Variants in TIAM1 observed in about 807,000 individuals in gnomAD.
The protein encoded by TIAM1 is rho guanine nucleotide exchange factor TIAM1.
Under a neutral mutation model 163.5 loss-of-function variants are expected in TIAM1, and 65 were observed. The observed-to-expected ratio is 0.40, with a 90% CI of 0.33 to 0.49. The LOEUF (loss-of-function observed/expected upper bound fraction) is 0.49, where lower values mean the gene tolerates loss of function less well. Ranked by LOEUF, TIAM1 falls within the 20% of genes least tolerant of loss-of-function variation. TIAM1 has a pLI of 0.77. For synonymous variants in TIAM1, 833 were observed against 810.1 expected, an observed-to-expected ratio of 1.03 and a Z score of -0.48; for missense variants, 1,789 against 2,044.7, an observed-to-expected ratio of 0.87 and a Z score of 2.41.
intron 12 of TIAM1, among the ~76,000 whole-genome samples, chr21:31,199,532 A>AT (rs59602143): frequency 0.057 from 7,971 of 139,418 alleles, 538 homozygotes; most frequent in African/African-American, 0.15. Context: ...AGCCTAGAAC[A>AT]TTTTTTTTTT....
At chr21:31,380,596 T>G (rs151238133) in intron 2 of TIAM1, among the ~76,000 whole-genome samples, 227 of 152,086 alleles carry the variant, frequency 1.5e-3, no homozygotes, top group Non-Finnish European at 1.6e-3. Flanking sequence ...AATAAAAAAA[T>G]TATGGAAGTG....
intron 24 of TIAM1, 126 bp from the exon 25 acceptor site, chr21:31,130,441 C>G: frequency 1.4e-6 from 1 of 695,828 alleles, no homozygotes. Context: ...GGATCTTCAC[C>G]CCCATGAGCT....
chr21:31,228,247 A>G (rs1468119627), intron 6 of TIAM1, among the ~76,000 whole-genome samples: 22 of 128,794 alleles, frequency 1.7e-4, no homozygotes, highest in African/African-American at 4.7e-4. Context: ...AAAAAAAAAA[A>G]AAAAAAAAAA....
intron 1 of TIAM1, among the ~76,000 whole-genome samples, chr21:31,496,733 C>T (rs545098892): frequency 6.8e-4 from 103 of 152,260 alleles, no homozygotes; most frequent in African/African-American, 2.4e-3. Flanking sequence ...CCACTCACCG[C>T]AACTTCCAGT....
chr21:31,511,767 G>A (rs2047217472), intron 1 of TIAM1, among the ~76,000 whole-genome samples: 1 of 152,166 alleles, frequency 6.6e-6, no homozygotes, highest in South Asian at 2.1e-4. Context: ...TGCAGAAAGG[G>A]AAAATGTAAT....
At chr21:31,240,661 C>G (rs562296970) in intron 6 of TIAM1, among the ~76,000 whole-genome samples, 37 of 152,316 alleles carry the variant, frequency 2.4e-4, no homozygotes, top group African/African-American at 8.2e-4. Flanking sequence ...AGACCTCATT[C>G]ATGCAAACAC....
chr21:31,142,087 T>C (rs1325728035), intron 20 of TIAM1, among the ~76,000 whole-genome samples: 1 of 152,114 alleles, frequency 6.6e-6, no homozygotes, highest in Non-Finnish European at 1.5e-5. Flanking sequence ...AGAAAGGCTC[T>C]TGGCCACATT....
intron 5 of TIAM1, 93 bp from the exon 6 acceptor site, chr21:31,245,753 G>C: frequency 2.5e-6 from 3 of 1,203,790 alleles, no homozygotes; most frequent in Non-Finnish European, 3.2e-6. Context: ...CCTGTCAGAG[G>C]CTGAAAATTA....
intron 2 of TIAM1, among the ~76,000 whole-genome samples, chr21:31,333,913 C>G (rs577980325): frequency 3.3e-5 from 5 of 152,168 alleles, no homozygotes; most frequent in Non-Finnish European, 5.9e-5. Context: ...CCCTCCCCCC[C>G]AAAAAATTAA....
In TIAM1 at chr21:31,481,147, C is replaced by A. The variant is rs779903985; in HGVS notation, c.-421-17112G>T. Among the ~76,000 whole-genome samples the A allele has an allele frequency of 3.0e-4, 46 of 152,180 alleles. 1 individual carries two copies. Among genetic ancestry groups the A allele is most frequent in the Non-Finnish European group, 6.0e-4 (41 of 68,028 alleles). On this transcript the variant is annotated intron_variant, in intron 1 of 28. Transcript: ENST00000286827. Reference sequence around the variant, plus strand: ...TTTCTGGTGAGGCCTTTCTTCTTGGCTTGTGGACAGCCACCTTCTTTCTGT... The same window carrying A: ...TTTCTGGTGAGGCCTTTCTTCTTGGATTGTGGACAGCCACCTTCTTTCTGT...
intron 2 of TIAM1, among the ~76,000 whole-genome samples, chr21:31,403,447 G>A (rs527255963): frequency 2.0e-5 from 3 of 151,878 alleles, no homozygotes; most frequent in African/African-American, 4.8e-5. Flanking sequence ...GCTCCCGGCC[G>A]ATGACATACT....
chr21:31,365,295 A>G lies in TIAM1; in HGVS notation c.-368-25873T>C, dbSNP rs140054576. ...ATACTTCTCCTTCTGTCTTTATTGCATAATTCTCCATGGATGTGCTGATGT... is the reference window on the plus strand; with the variant it reads ...ATACTTCTCCTTCTGTCTTTATTGCGTAATTCTCCATGGATGTGCTGATGT... On this transcript the variant is annotated intron_variant, in intron 2 of 28. Coordinates refer to the TIAM1 transcript ENST00000286827. Among the ~76,000 whole-genome samples, 671 of 152,074 alleles carry G rather than the reference A, an allele frequency of 4.4e-3. 5 individuals are homozygous for G. Among genetic ancestry groups the G allele is most frequent in the African/African-American group, 0.015 (636 of 41,468 alleles).
chr21:31,180,808 T>C (rs890417702), intron 15 of TIAM1, among the ~76,000 whole-genome samples: 7 of 152,372 alleles, frequency 4.6e-5, no homozygotes, highest in African/African-American at 1.4e-4. Flanking sequence ...CTGGAGCCAC[T>C]TTTCAAAAAT....
chr21:31,298,744 G>GTGTGTGTA (rs1219164865), intron 2 of TIAM1, among the ~76,000 whole-genome samples: 18 of 139,524 alleles, frequency 1.3e-4, no homozygotes, highest in African/African-American at 4.6e-4. Context: ...GGGTGTGTGT[G>GTGTGTGTA]TGTGTGTGTG....
intron 16 of TIAM1, among the ~76,000 whole-genome samples, chr21:31,161,987 T>C (rs1335290772): frequency 1.3e-5 from 2 of 152,226 alleles, no homozygotes; most frequent in Non-Finnish European, 2.9e-5. Context: ...AAGTGGTTTA[T>C]GGCTGTATAT....
In TIAM1 at chr21:31,416,669, G is replaced by A. The variant is rs191118896; in HGVS notation, c.-369+47314C>T. ...CATGATTTCATTCCTTTTTGTGGCT[G>A]TTCCAAGGCAAATATATGCCACATT... On this transcript the variant is annotated intron_variant, in intron 2 of 28. Transcript: ENST00000286827. Among the ~76,000 whole-genome samples, 639 of 152,302 alleles carry A rather than the reference G, an allele frequency of 4.2e-3. 3 individuals carry two copies. The highest frequency in any genetic ancestry group is 6.3e-3 in the Non-Finnish European group (431 of 68,040).
intron 1 of TIAM1, among the ~76,000 whole-genome samples, chr21:31,466,832 A>G (rs576315951): frequency 6.6e-6 from 1 of 152,322 alleles, no homozygotes; most frequent in South Asian, 2.1e-4. Flanking sequence ...CAATAAGGGG[A>G]AACTACCTTT....
At chr21:31,299,371 T>C (rs2074416079) in intron 2 of TIAM1, among the ~76,000 whole-genome samples, 2 of 152,236 alleles carry the variant, frequency 1.3e-5, no homozygotes, top group Admixed American at 1.3e-4. Flanking sequence ...CATTAACTGC[T>C]GACACTGGCC....
intron 2 of TIAM1, among the ~76,000 whole-genome samples, chr21:31,315,486 G>A (rs1277730917): frequency 2.6e-5 from 4 of 151,462 alleles, no homozygotes; most frequent in African/African-American, 9.7e-5. Flanking sequence ...CCGCACTCTA[G>A]CCTGGGCAAC....
Sources: gnomAD v4.1 joint callset for allele counts (sites outside exome capture counted in the v4.1 genomes callset) on GRCh38, gnomAD v4.1.1 for gene constraint, MANE v1.5 for transcripts, NCBI Gene and HGNC (gene_info 2026-07-23, HGNC 2026-07-21) for gene names.